The following MMS19 variants were observed in gnomAD, a reference collection of about 807,000 sequenced individuals.
The protein encoded by MMS19 is MMS19 cytosolic iron-sulfur assembly component.
A neutral mutation model predicts 129.8 loss-of-function variants in MMS19; 77 were observed. The ratio of observed to expected loss-of-function variants is 0.59; its 90% CI spans 0.49 to 0.72. The LOEUF (loss-of-function observed/expected upper bound fraction) is 0.72. Ranked by LOEUF, MMS19 falls within the 30% of genes least tolerant of loss-of-function variation. The probability of loss-of-function intolerance (pLI) is 0.00; values close to 1 mark genes in which losing one functional copy is unlikely to be tolerated. For missense variants in MMS19, 1,168 were observed against 1,266.3 expected (o/e 0.92, Z 1.18); for synonymous variants, 491 against 502.8 (o/e 0.98, Z 0.31).
intron 1 of MMS19, among the ~76,000 whole-genome samples, chr10:97,491,027 G>T (rs2038777950): frequency 6.6e-6 from 1 of 152,130 alleles, no homozygotes; most frequent in South Asian, 2.1e-4. Context: ...CCTATTTCTG[G>T]GTTACGAACC....
At chr10:97,496,251 C>A (rs1007862007) in intron 1 of MMS19, among the ~76,000 whole-genome samples, 1 of 152,168 alleles carries the variant, frequency 6.6e-6, no homozygotes, top group Non-Finnish European at 1.5e-5. Context: ...CCCAGTGGCT[C>A]ATGCCTGTAA....
At position 97,484,123 on chromosome 10, in the gene MMS19, T is replaced by G. The variant is rs189297851; in HGVS notation, c.141A>C (p.Leu47Phe). The change falls in exon 2 of 31, where the codon TTA (leucine) becomes TTC (phenylalanine). Residue 47 changes from leucine to phenylalanine, a missense_variant. Transcript: ENST00000438925. ...CTTACCCAAGGGCTTCCACAACTTG[T>G]AACACTGTATAGTTGCCAGATTTCA... ...ADVKSGNYTVLQVVEALGSSL... is the reference protein window; with the variant it reads ...ADVKSGNYTVFQVVEALGSSL... 61 of 1,546,372 alleles carry G rather than the reference T, an allele frequency of 3.9e-5. No homozygotes were observed. The East Asian group carries it at 1.4e-3, about 36-fold the overall frequency.
In MMS19 at chr10:97,460,716, G is replaced by C; in HGVS notation, c.2448C>G (p.Leu816=). 4 of 1,598,528 alleles carry C rather than the reference G, an allele frequency of 2.5e-6. No homozygotes were observed. The highest frequency in any genetic ancestry group is 3.4e-6 in the Non-Finnish European group (4 of 1,172,108). Residue 816 remains leucine, a synonymous_variant, in exon 25 of 31, where the codon CTC becomes CTG. Transcript: ENST00000438925. The part of the protein sequence containing the change: ...TKALVLRYHP[L]SSCLTARLMG... ...GTACCCGGGCTGTAAGGCAGGAGCT[G>C]AGAGGATGGTATCTGAGCACTAGGG...
At position 97,481,042 on chromosome 10, in the gene MMS19, C is replaced by G. The variant is rs748513092; in HGVS notation, c.162G>C (p.Gly54=). 6.3e-7 allele frequency: 1 copy of G among 1,575,572 alleles called. No individual in the cohort carries two copies. Among genetic ancestry groups the G allele is most frequent in the South Asian group, 1.1e-5 (1 of 88,334 alleles). The change falls in exon 3 of 31, where the codon GGG becomes GGC. Residue 54 remains glycine, a splice_region_variant and synonymous_variant. Transcript: ENST00000438925. ...GGGGTTCTGGATTCTCTAGAGAGGA[C>G]CTAGGGGAAAACAGGATAGAGAGAA... ...YTVLQVVEAL[G]SSLENPEPRT... is the part of the protein sequence containing the mutation.
intron 1 of MMS19, among the ~76,000 whole-genome samples, chr10:97,485,712 T>C (rs753913473): frequency 1.1e-4 from 16 of 152,264 alleles, no homozygotes; most frequent in Non-Finnish European, 2.1e-4. Flanking sequence ...CCTCCCAAAT[T>C]GCTGGGATTA....
At chr10:97,493,506 C>T (rs1020292870) in intron 1 of MMS19, among the ~76,000 whole-genome samples, 1 of 152,006 alleles carries the variant, frequency 6.6e-6, no homozygotes, top group Non-Finnish European at 1.5e-5. Context: ...AGAAGTTCTT[C>T]GAGGTCACAC....
chr10:97,480,201 C>T, intron 3 of MMS19: 7 of 450,112 alleles, frequency 1.6e-5, no homozygotes, highest in South Asian at 1.1e-4. Context: ...GAGCCCTATG[C>T]AAATCAGACA....
At chr10:97,480,235 T>TA (rs2135430142) in intron 3 of MMS19, 1 of 465,352 alleles carries the variant, frequency 2.1e-6, no homozygotes, top group South Asian at 1.6e-5. Flanking sequence ...CTTCTGGATA[T>TA]ATTACCTAGC....
At chr10:97,498,494 C>CG, upstream of MMS19, 1 of 1,475,928 alleles carries the variant, frequency 6.8e-7, no homozygotes, top group Non-Finnish European at 9.0e-7. Context: ...GGCGGGGCGC[C>CG]GGGGTCACGT....
At chr10:97,466,991 T>A in intron 14 of MMS19, 90 bp from the exon 15 acceptor site, 1 of 1,059,576 alleles carries the variant, frequency 9.4e-7, no homozygotes, top group Non-Finnish European at 1.3e-6. Flanking sequence ...CTGGGGTAGA[T>A]TTTTTTTTTG....
chr10:97,461,702 C>A, intron 22 of MMS19, 80 bp from the exon 23 acceptor site: 1 of 1,555,528 alleles, frequency 6.4e-7, no homozygotes, highest in Non-Finnish European at 8.7e-7. Flanking sequence ...CAGCAGGGAC[C>A]GGGACGGATG....
At chr10:97,460,872 TC>T in intron 24 of MMS19, 34 bp downstream of exon 24, 1 of 1,544,030 alleles carries the variant, frequency 6.5e-7, no homozygotes, top group Non-Finnish European at 8.8e-7. Context: ...CATAATTGCC[TC>T]TCTGGCTAAC....
At position 97,484,195 on chromosome 10, in the gene MMS19, C is replaced by A. The variant is rs1327996902; in HGVS notation, c.113-44G>T. The A allele has an allele frequency of 1.4e-5, 17 of 1,241,426 alleles. 1 individual carries two copies. Among genetic ancestry groups the A allele is most frequent in the African/African-American group, 3.1e-5 (2 of 65,256 alleles). 76.9% of individuals were successfully genotyped at this position (1,241,426 alleles called of 1,614,324 possible). ...ATAAATATGAAAAATAAAAAAAAAA[C>A]CTACCAAAGGGTTGAATAACACTAA... On this transcript the variant is annotated intron_variant, in intron 1 of 30. Coordinates refer to ENST00000438925, the MANE Select transcript of MMS19 (RefSeq NM_022362.5).
At chr10:97,487,074 A>G (rs917834768) in intron 1 of MMS19, among the ~76,000 whole-genome samples, 2 of 151,470 alleles carry the variant, frequency 1.3e-5, no homozygotes, top group South Asian at 4.1e-4. Flanking sequence ...AATAAAAATA[A>G]AAAACAACCA....
chr10:97,481,884 A>C (rs2036862875), intron 2 of MMS19, among the ~76,000 whole-genome samples: 1 of 152,206 alleles, frequency 6.6e-6, no homozygotes, highest in African/African-American at 2.4e-5. Context: ...GAAGTAGAAA[A>C]CTGTGCATTC....
Position 97,478,314 on chromosome 10 carries a change from A to G in MMS19, c.338T>C (p.Leu113Ser). Reference protein sequence around the residue: ...HLVIPSVLQGLKALSLCVALP... With the variant: ...HLVIPSVLQGSKALSLCVALP... Reference sequence around the variant, plus strand: ...TGAAGGAAAACTCACAAGTGCCTTCAAACCCTGCAGGACAGATGGGATCAC... The same window carrying G: ...TGAAGGAAAACTCACAAGTGCCTTCGAACCCTGCAGGACAGATGGGATCAC... Residue 113 changes from leucine (L) to serine (S), a missense_variant, in exon 4 of 31, where the codon TTG (leucine) becomes TCG (serine). Leu to Ser is a moderately radical substitution (Grantham distance 145). Around this residue, in one of 3 missense-constraint regions of MMS19, gnomAD observed 329 missense variants for 328.6 expected, o/e 1.00. Coordinates refer to ENST00000438925, the MANE Select transcript of MMS19 (RefSeq NM_022362.5). The G allele has an allele frequency of 1.9e-6, 3 of 1,599,294 alleles. No individual in the cohort carries two copies. The highest frequency in any genetic ancestry group is 1.7e-6 in the Non-Finnish European group (2 of 1,172,910).
Position 97,478,407 on chromosome 10 carries a change from A to C in MMS19, c.263-18T>G, listed in dbSNP as rs1564669573. 6.3e-7 allele frequency: 1 copy of C among 1,587,324 alleles called. No homozygotes were observed. The highest frequency in any genetic ancestry group is 1.8e-5 in the Admixed American group (1 of 57,130). On this transcript the variant is annotated intron_variant, in intron 3 of 30. Coordinates refer to ENST00000438925, the MANE Select transcript of MMS19 (RefSeq NM_022362.5). ...GTGTACCACTGCACAAACCAGATTC[A>C]GCCATTAGTTGACATAGGCACGAGA...
At chr10:97,468,545 G>T in intron 12 of MMS19, 139 bp from the exon 13 acceptor site, 1 of 795,736 alleles carries the variant, frequency 1.3e-6, no homozygotes, top group Non-Finnish European at 1.9e-6. Flanking sequence ...TTCAAAGTAG[G>T]GCTATCGCCC....
intron 1 of MMS19, among the ~76,000 whole-genome samples, chr10:97,490,735 C>T (rs1414214483): frequency 6.6e-6 from 1 of 152,212 alleles, no homozygotes; most frequent in Non-Finnish European, 1.5e-5. Flanking sequence ...CACTCTAGCA[C>T]CACAGTAAGA....
Sources: gnomAD v4.1 joint callset for allele counts (sites outside exome capture counted in the v4.1 genomes callset) on GRCh38, gnomAD v4.1.1 for gene constraint, gnomAD v4.1.1 regional missense constraint, MANE v1.5 for transcripts, NCBI Gene and HGNC (gene_info 2026-07-23, HGNC 2026-07-21) for gene names.